The following NKAIN2 variants were observed in gnomAD, a reference collection of about 807,000 sequenced individuals.
NKAIN2 encodes the protein sodium/potassium transporting ATPase interacting 2.
NKAIN2 carries 14 observed loss-of-function variants against 32.6 expected under a neutral mutation model. The ratio of observed to expected loss-of-function variants is 0.43; its 90% CI spans 0.28 to 0.67. The LOEUF is 0.67. Ranked by LOEUF, NKAIN2 falls within the 30% of genes least tolerant of loss-of-function variation. The pLI, the probability that NKAIN2 is intolerant of heterozygous loss-of-function variation, is 0.17. For synonymous variants in NKAIN2, 80 were observed against 87.2 expected (o/e 0.92, Z 0.46); for missense variants, 198 against 258.3 (o/e 0.77, Z 1.60).
intron 3 of NKAIN2, among the ~76,000 whole-genome samples, chr6:124,556,599 C>G (rs1366288214): frequency 1.3e-5 from 2 of 152,124 alleles, no homozygotes; most frequent in East Asian, 3.9e-4. Context: ...GACTTCCCAG[C>G]CCCTAGAAAC....
chr6:124,012,334 A>G (rs1351086693), intron 1 of NKAIN2, among the ~76,000 whole-genome samples: 1 of 123,208 alleles, frequency 8.1e-6, no homozygotes, highest in South Asian at 2.7e-4. Flanking sequence ...ACTCTACATG[A>G]TTTTTTTTTT....
At chr6:124,564,624 C>G (rs1408556835) in intron 3 of NKAIN2, among the ~76,000 whole-genome samples, 1 of 152,166 alleles carries the variant, frequency 6.6e-6, no homozygotes, top group Non-Finnish European at 1.5e-5. Context: ...CTGTAACACT[C>G]ACCGCGAAGG....
intron 1 of NKAIN2, among the ~76,000 whole-genome samples, chr6:124,156,969 G>A (rs802266): frequency 0.79 from 120,185 of 151,378 alleles, 48,996 homozygotes; most frequent in South Asian, 0.9. Context: ...GTGGTGTGGT[G>A]GTGCACATCT....
chr6:124,494,549 G>A (rs1777994026), intron 3 of NKAIN2, among the ~76,000 whole-genome samples: 1 of 152,044 alleles, frequency 6.6e-6, no homozygotes, highest in African/African-American at 2.4e-5. Flanking sequence ...TGTGTAATTA[G>A]ATAAACTGTA....
intron 1 of NKAIN2, among the ~76,000 whole-genome samples, chr6:124,097,904 C>A (rs866615931): frequency 6.6e-6 from 1 of 152,162 alleles, no homozygotes; most frequent in Non-Finnish European, 1.5e-5. Context: ...GCAGAGCCAA[C>A]ATTTACGCTG....
At chr6:124,343,843 C>G (rs1798266431) in intron 2 of NKAIN2, among the ~76,000 whole-genome samples, 1 of 142,978 alleles carries the variant, frequency 7.0e-6, no homozygotes, top group African/African-American at 2.5e-5. Flanking sequence ...TAATTAGATC[C>G]CATTTGTCAA....
intron 3 of NKAIN2, among the ~76,000 whole-genome samples, chr6:124,397,311 T>C (rs1251265303): frequency 3.3e-5 from 5 of 152,110 alleles, no homozygotes; most frequent in Non-Finnish European, 7.4e-5. Context: ...GATAATTATT[T>C]ACTTTTTTCT....
intron 5 of NKAIN2, among the ~76,000 whole-genome samples, chr6:124,808,477 C>T (rs185917797): frequency 3.2e-4 from 49 of 152,224 alleles, no homozygotes; most frequent in African/African-American, 7.9e-4. Flanking sequence ...ATTGATGGGA[C>T]GTATCTCAAA....
intron 1 of NKAIN2, among the ~76,000 whole-genome samples, chr6:123,967,699 G>A (rs772960240): frequency 1.3e-5 from 2 of 152,056 alleles, no homozygotes; most frequent in African/African-American, 4.8e-5. Context: ...GGGGGAGTGT[G>A]TGTATATATA....
chr6:124,312,119 C>A (rs981467856), intron 2 of NKAIN2, among the ~76,000 whole-genome samples: 2 of 152,146 alleles, frequency 1.3e-5, no homozygotes, highest in Non-Finnish European at 2.9e-5. Context: ...ATCGCTTTCT[C>A]TTTTTAACTC....
intron 4 of NKAIN2, among the ~76,000 whole-genome samples, chr6:124,711,553 C>T (rs2114605627): frequency 1.3e-5 from 2 of 151,126 alleles, no homozygotes; most frequent in South Asian, 4.2e-4. Flanking sequence ...TCCCTTCTCG[C>T]TTCATTTCAT....
chr6:124,081,501 A>G (rs1374683289), intron 1 of NKAIN2, among the ~76,000 whole-genome samples: 1 of 152,082 alleles, frequency 6.6e-6, no homozygotes, highest in African/African-American at 2.4e-5. Context: ...TAGAATGTCT[A>G]AATAAAGTTC....
intron 4 of NKAIN2, among the ~76,000 whole-genome samples, chr6:124,762,328 T>C (rs1172714482): frequency 6.6e-6 from 1 of 152,142 alleles, no homozygotes; most frequent in Non-Finnish European, 1.5e-5. Flanking sequence ...TTAGTCAGAT[T>C]GGATTAGGAC....
chr6:123,890,898 TA>T (rs1288800084), intron 1 of NKAIN2, among the ~76,000 whole-genome samples: 1 of 152,142 alleles, frequency 6.6e-6, no homozygotes, highest in Admixed American at 6.6e-5. Flanking sequence ...TCATAGTAGG[TA>T]AAATAGCTAC....
intron 1 of NKAIN2, among the ~76,000 whole-genome samples, chr6:123,894,246 A>T (rs116524249): frequency 3.0e-4 from 46 of 152,280 alleles, no homozygotes; most frequent in African/African-American, 1.1e-3. Context: ...CTGCTTGGCC[A>T]GGCAGAAGCT....
Position 124,616,328 on chromosome 6 carries a change from T to C in NKAIN2, c.274-41858T>C, listed in dbSNP as rs564595375. ...AAGTGTTGGTCTGGCAGTAGCTCACTTGGCCATATGAGAAGCTGAAATCTA... is the reference window on the plus strand; with the variant it reads ...AAGTGTTGGTCTGGCAGTAGCTCACCTGGCCATATGAGAAGCTGAAATCTA... On this transcript the variant is annotated intron_variant, in intron 3 of 6. Coordinates refer to ENST00000368417, the MANE Select transcript of NKAIN2 (RefSeq NM_001040214.3). Among the ~76,000 whole-genome samples, 4 of 152,190 alleles carry C rather than the reference T, an allele frequency of 2.6e-5. No homozygotes were observed. The South Asian group carries it at 8.3e-4, about 32-fold the overall frequency.
At chr6:124,759,925 A>AAGGTGAAC (rs1429735013) in intron 4 of NKAIN2, among the ~76,000 whole-genome samples, 4 of 151,870 alleles carry the variant, frequency 2.6e-5, no homozygotes. Flanking sequence ...CGCTTAGACA[A>AAGGTGAAC]AGGTGAACAG....
At chr6:124,060,936 TA>T (rs1006169577) in intron 1 of NKAIN2, among the ~76,000 whole-genome samples, 33 of 152,160 alleles carry the variant, frequency 2.2e-4, no homozygotes, top group African/African-American at 7.2e-4. Flanking sequence ...AAATGATGGA[TA>T]AAAAAAGAGC....
intron 3 of NKAIN2, among the ~76,000 whole-genome samples, chr6:124,473,260 G>A (rs1273053368): frequency 6.6e-6 from 1 of 152,150 alleles, no homozygotes; most frequent in Non-Finnish European, 1.5e-5. Flanking sequence ...TAAGTCTAGG[G>A]CTTCATTATG....
Sources: allele counts gnomAD v4.1 joint callset (sites outside exome capture counted in the v4.1 genomes callset), GRCh38; gene constraint gnomAD v4.1.1; transcripts MANE v1.5; gene names NCBI Gene and HGNC (gene_info 2026-07-23, HGNC 2026-07-21).